FARS2: variants seen among roughly 807,000 people sequenced by gnomAD.
FARS2 encodes the protein phenylalanyl-tRNA synthetase 2, mitochondrial.
FARS2 carries 40 observed loss-of-function variants against 46.4 expected under a neutral mutation model. The ratio of observed to expected loss-of-function variants is 0.86; its 90% confidence interval spans 0.67 to 1.12. The LOEUF (loss-of-function observed/expected upper bound fraction) is 1.12. FARS2 is among the 50% of genes most tolerant of loss of function. FARS2 has a pLI of 0.00. For synonymous variants in FARS2, 234 were observed against 214.9 expected (o/e 1.09, Z -0.78); for missense variants, 513 against 567.9 (o/e 0.90, Z 0.98).
intron 4 of FARS2, among the ~76,000 whole-genome samples, chr6:5,541,797 T>G (rs1267371125): frequency 6.6e-6 from 1 of 152,158 alleles, no homozygotes; most frequent in Non-Finnish European, 1.5e-5. Context: ...GACAGAGCAG[T>G]GGCATGGGCT....
intron 5 of FARS2, among the ~76,000 whole-genome samples, chr6:5,597,934 A>G (rs1561741041): frequency 6.6e-6 from 1 of 151,954 alleles, no homozygotes; most frequent in African/African-American, 2.4e-5. Flanking sequence ...GCTCTGTTGA[A>G]ATTATGCAGC....
intron 3 of FARS2, among the ~76,000 whole-genome samples, chr6:5,407,409 T>A (rs1232184589): frequency 1.3e-5 from 2 of 152,110 alleles, no homozygotes; most frequent in Non-Finnish European, 2.9e-5. Context: ...CAAGGTTTTT[T>A]AGAATATCTT....
chr6:5,252,099 T>C, the FARS2 span, among the ~76,000 whole-genome samples: 8 of 152,198 alleles, frequency 5.3e-5, no homozygotes, highest in Non-Finnish European at 8.8e-5. Flanking sequence ...GATCAGGACT[T>C]AGGAATTTTA....
chr6:5,746,467 C>A (rs1159148526), intron 6 of FARS2, among the ~76,000 whole-genome samples: 1 of 152,132 alleles, frequency 6.6e-6, no homozygotes, highest in African/African-American at 2.4e-5. Flanking sequence ...TGAGGTCCTG[C>A]CACTCAGAGT....
rs373070459 is a variant in FARS2, at chr6:5,368,208, ATAATG to A, written c.-21-338_-21-334del. ...GATCTCTCTGAAGTTTTTTGGTTCT[ATAATG>A]TAAAGGTTGTCGTGTTTACAGTTTT... On this transcript the variant is annotated intron_variant, in intron 1 of 6. Coordinates refer to ENST00000274680, the MANE Select transcript of FARS2 (RefSeq NM_006567.5). Among the ~76,000 whole-genome samples the A allele has an allele frequency of 2.1e-4, 32 of 152,270 alleles. 1 individual carries two copies. The highest frequency in any genetic ancestry group is 7.2e-4 in the African/African-American group (30 of 41,550).
intron 4 of FARS2, among the ~76,000 whole-genome samples, chr6:5,440,879 A>G (rs1020420861): frequency 1.3e-5 from 2 of 150,852 alleles, no homozygotes; most frequent in African/African-American, 4.9e-5. Flanking sequence ...AGTGTCACTG[A>G]ACATGTTCCC....
chr6:5,374,292 G>A (rs560840804), intron 2 of FARS2, among the ~76,000 whole-genome samples: 5 of 152,230 alleles, frequency 3.3e-5, no homozygotes, highest in African/African-American at 9.6e-5. Flanking sequence ...GGATCCGTCA[G>A]TCAGTCAAAA....
At chr6:5,393,383 A>G (rs1165602182) in intron 2 of FARS2, among the ~76,000 whole-genome samples, 3 of 152,100 alleles carry the variant, frequency 2.0e-5, no homozygotes, top group African/African-American at 4.8e-5. Context: ...TTGGCCGGGC[A>G]TGGTGGCTAA....
At chr6:5,305,009 C>A (rs1768595846) in intron 1 of FARS2, among the ~76,000 whole-genome samples, 2 of 152,124 alleles carry the variant, frequency 1.3e-5, no homozygotes, top group South Asian at 4.1e-4. Context: ...CTGGAAGTAG[C>A]TGGGCATGCG....
chr6:5,504,437 TA>T (rs143444280), intron 4 of FARS2, among the ~76,000 whole-genome samples: 31,792 of 126,374 alleles, frequency 0.25, 4,086 homozygotes, highest in African/African-American at 0.43. Context: ...TGCTTTCCAG[TA>T]AAAAAAAAAA....
intron 3 of FARS2, among the ~76,000 whole-genome samples, chr6:5,422,637 ATGAGAGTAACGAT>A (rs1447219466): frequency 6.6e-6 from 1 of 152,206 alleles, no homozygotes; most frequent in Non-Finnish European, 1.5e-5. Context: ...CAAAGTGGGA[ATGAGAGTAACGAT>A]TGTTCAGTGT....
chr6:5,508,973 G>A (rs548411761), intron 4 of FARS2, among the ~76,000 whole-genome samples: 38 of 152,332 alleles, frequency 2.5e-4, no homozygotes, highest in African/African-American at 7.9e-4. Context: ...AACATTTTGA[G>A]TTTTGCGGGC....
intron 6 of FARS2, among the ~76,000 whole-genome samples, chr6:5,651,393 C>A (rs1318921015): frequency 2.0e-5 from 3 of 152,182 alleles, no homozygotes; most frequent in African/African-American, 4.8e-5. Context: ...GCAAAAGGAC[C>A]ACTCTGCCAA....
intron 5 of FARS2, among the ~76,000 whole-genome samples, chr6:5,546,538 CTG>C (rs1771029107): frequency 6.6e-6 from 1 of 151,938 alleles, no homozygotes; most frequent in Non-Finnish European, 1.5e-5. Flanking sequence ...GAGTGAGCCA[CTG>C]CGCCCAGCCC....
intron 3 of FARS2, among the ~76,000 whole-genome samples, chr6:5,419,517 C>T (rs999242084): frequency 1.3e-5 from 2 of 152,124 alleles, no homozygotes; most frequent in Non-Finnish European, 2.9e-5. Flanking sequence ...CCTTCTCCCC[C>T]ATCCCCCGTC....
At chr6:5,644,502 C>T (rs560355559) in intron 6 of FARS2, among the ~76,000 whole-genome samples, 10 of 152,186 alleles carry the variant, frequency 6.6e-5, no homozygotes, top group South Asian at 2.1e-4. Flanking sequence ...AGTCAGCCAC[C>T]GTGCCTGGCC....
intron 1 of FARS2, among the ~76,000 whole-genome samples, chr6:5,323,045 T>G (rs1223463351): frequency 6.6e-6 from 1 of 152,190 alleles, no homozygotes; most frequent in Non-Finnish European, 1.5e-5. Flanking sequence ...ATTACTTTTA[T>G]CAATTTAATA....
intron 6 of FARS2, among the ~76,000 whole-genome samples, chr6:5,721,789 A>G (rs1347277655): frequency 6.6e-6 from 1 of 152,222 alleles, no homozygotes; most frequent in African/African-American, 2.4e-5. Context: ...GGCTCATTGC[A>G]TTTATTATCT....
chr6:5,628,687 T>C (rs1246886775), intron 6 of FARS2, among the ~76,000 whole-genome samples: 1 of 152,208 alleles, frequency 6.6e-6, no homozygotes, highest in Non-Finnish European at 1.5e-5. Flanking sequence ...GAGAATGTGG[T>C]GAACAGAGAT....
Sources: allele counts gnomAD v4.1 joint callset (sites outside exome capture counted in the v4.1 genomes callset), GRCh38; gene constraint gnomAD v4.1.1; transcripts MANE v1.5; gene names NCBI Gene and HGNC (gene_info 2026-07-23, HGNC 2026-07-21).